IL1RAPL1: variants seen among roughly 807,000 people sequenced by gnomAD.
IL1RAPL1 encodes the protein interleukin 1 receptor accessory protein like 1, also known as interleukin-1 receptor accessory protein-like 1.
Under a neutral mutation model 48.4 loss-of-function variants are expected in IL1RAPL1, and 3 were observed. That is an observed-to-expected ratio of 0.06 (90% CI 0.03 to 0.16). The LOEUF (loss-of-function observed/expected upper bound fraction) is 0.16, where lower values mean the gene tolerates loss of function less well. Among genes scored for constraint, IL1RAPL1 ranks in the 10% least tolerant of loss-of-function variants. The pLI is 1.00. For missense variants in IL1RAPL1, 349 were observed against 530.6 expected (o/e 0.66, Z 3.36); for synonymous variants, 185 against 187.7 (o/e 0.99, Z 0.12).
chrX:29,041,288 G>T lies in IL1RAPL1; in HGVS notation c.83-241650G>T, dbSNP rs770319363. On this transcript the variant is annotated intron_variant, in intron 2 of 10. Coordinates refer to ENST00000378993, the MANE Select transcript of IL1RAPL1 (RefSeq NM_014271.4). The stretch of plus-strand genomic sequence containing the variant: ...CCCATGGGACGTATCTGCAGGCAGG[G>T]GGGTGGAATTTACTCTCAACTTTAT... 2.7e-5 allele frequency among the ~76,000 whole-genome samples: 3 copies of T among 111,409 alleles called. No homozygotes were observed. The East Asian group carries it at 8.5e-4, about 32-fold the overall frequency.
chrX:29,481,313 G>A (rs188924744), intron 5 of IL1RAPL1, among the ~76,000 whole-genome samples: 22 of 112,764 alleles, frequency 2.0e-4, no homozygotes, highest in Non-Finnish European at 9.4e-5. Flanking sequence ...CCTTCAAAAT[G>A]TATTCACATA....
intron 2 of IL1RAPL1, among the ~76,000 whole-genome samples, chrX:28,914,773 G>T (rs185278530): frequency 7.8e-4 from 88 of 112,630 alleles, no homozygotes; most frequent in Non-Finnish European, 1.4e-3. Flanking sequence ...ACATGTGTTA[G>T]CTCAGCAAGA....
At chrX:28,610,652 G>T (rs147958480) in intron 1 of IL1RAPL1, among the ~76,000 whole-genome samples, 1 of 111,655 alleles carries the variant, frequency 9.0e-6, no homozygotes, top group Non-Finnish European at 1.9e-5. Context: ...TCTGATGTTC[G>T]TAGAAAGTTC....
intron 2 of IL1RAPL1, among the ~76,000 whole-genome samples, chrX:28,886,735 G>T (rs1922640027): frequency 9.0e-6 from 1 of 110,803 alleles, no homozygotes. Context: ...ACTGAATTAA[G>T]TTTTAAATTA....
Position 29,941,732 on chromosome X carries a change from G to A in IL1RAPL1, c.1139G>A (p.Cys380Tyr), listed in dbSNP as rs372426735. 48 of 1,207,596 alleles carry A rather than the reference G, an allele frequency of 4.0e-5. No individual in the cohort carries two copies. Among genetic ancestry groups the A allele is most frequent in the Non-Finnish European group, 5.3e-5 (47 of 892,998 alleles). Reference sequence around the variant, plus strand: ...GTATGTTTGGTGACCATCTACAAGTGTTACAAGATAGAAATCATGCTCTTC... The same window carrying A: ...GTATGTTTGGTGACCATCTACAAGTATTACAAGATAGAAATCATGCTCTTC... ...LLVCLVTIYK[C>Y]YKIEIMLFYR... The change falls in exon 9 of 11, where the codon TGT (cysteine) becomes TAT (tyrosine). Residue 380 changes from cysteine to tyrosine, a missense_variant. Coordinates refer to ENST00000378993, the MANE Select transcript of IL1RAPL1 (RefSeq NM_014271.4).
At chrX:29,583,683 A>G (rs1314217834) in intron 5 of IL1RAPL1, among the ~76,000 whole-genome samples, 1 of 84,437 alleles carries the variant, frequency 1.2e-5, no homozygotes, top group African/African-American at 4.7e-5. Context: ...CCATCAAGCT[A>G]CCAATGACTT....
intron 8 of IL1RAPL1, among the ~76,000 whole-genome samples, chrX:29,929,657 GTACCGACT>G (rs1473335525): frequency 9.0e-6 from 1 of 111,635 alleles, no homozygotes; most frequent in Non-Finnish European, 1.9e-5. Context: ...GCAGTTCAAA[GTACCGACT>G]TACAATGGTT....
chrX:29,101,924 C>T lies in IL1RAPL1; in HGVS notation c.83-181014C>T, dbSNP rs756567558. Among the ~76,000 whole-genome samples, 8 of 111,157 alleles carry T rather than the reference C, an allele frequency of 7.2e-5. No individual in the cohort carries two copies. In the South Asian group the frequency reaches 1.1e-3, roughly 16 times the overall value. On this transcript the variant is annotated intron_variant, in intron 2 of 10. Transcript: ENST00000378993. ...TGCACTCCAGCCTGGGCAACAAGAA[C>T]GAAACTCTCTCGAAAAAATAAATAA...
At chrX:28,596,070 C>G (rs1933951394) in intron 1 of IL1RAPL1, among the ~76,000 whole-genome samples, 1 of 111,225 alleles carries the variant, frequency 9.0e-6, no homozygotes, top group African/African-American at 3.3e-5. Flanking sequence ...GCCTGCTGGT[C>G]TTGTATTTCC....
chrX:29,901,507 C>T (rs747891527), intron 6 of IL1RAPL1, among the ~76,000 whole-genome samples: 14 of 111,938 alleles, frequency 1.3e-4, no homozygotes, highest in Non-Finnish European at 2.1e-4. Flanking sequence ...GGGTATTTCA[C>T]TTTCACCACC....
At chrX:29,343,426 C>A (rs1427436437) in intron 3 of IL1RAPL1, among the ~76,000 whole-genome samples, 1 of 111,246 alleles carries the variant, frequency 9.0e-6, no homozygotes. Context: ...GCCCAGGTAT[C>A]CCCCTTTCCT....
chrX:29,617,427 A>T (rs1036292013), intron 5 of IL1RAPL1, among the ~76,000 whole-genome samples: 11 of 112,375 alleles, frequency 9.8e-5, no homozygotes, highest in African/African-American at 3.6e-4. Flanking sequence ...GCAGGGCTAG[A>T]TGCAGAGTCC....
chrX:28,656,428 AT>A (rs1280760621), intron 1 of IL1RAPL1, among the ~76,000 whole-genome samples: 1 of 110,934 alleles, frequency 9.0e-6, no homozygotes, highest in Non-Finnish European at 1.9e-5. Context: ...TTTTTCATAT[AT>A]TCTCAGTGCC....
At chrX:29,498,786 A>G (rs1935242173) in intron 5 of IL1RAPL1, among the ~76,000 whole-genome samples, 1 of 111,898 alleles carries the variant, frequency 8.9e-6, no homozygotes, top group Non-Finnish European at 1.9e-5. Flanking sequence ...TATGTCGTGT[A>G]TGTATAAAGC....
intron 6 of IL1RAPL1, among the ~76,000 whole-genome samples, chrX:29,806,222 C>T (rs1242187501): frequency 9.1e-6 from 1 of 109,753 alleles, no homozygotes; most frequent in Non-Finnish European, 1.9e-5. Flanking sequence ...CGTGCGTGCA[C>T]GCGTGCACAC....
At chrX:28,630,011 T>G (rs1472198970) in intron 1 of IL1RAPL1, among the ~76,000 whole-genome samples, 1 of 111,506 alleles carries the variant, frequency 9.0e-6, no homozygotes, top group African/African-American at 3.3e-5. Context: ...AAACTCAGTT[T>G]GTCAATTCCT....
At chrX:29,891,450 A>G (rs1932274911) in intron 6 of IL1RAPL1, among the ~76,000 whole-genome samples, 1 of 111,592 alleles carries the variant, frequency 9.0e-6, no homozygotes, top group Admixed American at 9.5e-5. Flanking sequence ...AAACTTGGAG[A>G]CATGGCTATT....
At chrX:29,274,381 TA>T (rs374838724) in intron 2 of IL1RAPL1, among the ~76,000 whole-genome samples, 2,908 of 112,221 alleles carry the variant, frequency 0.026, 111 homozygotes, top group African/African-American at 0.09. Context: ...TGGCATCACT[TA>T]AAAAATGGTT....
rs773661731 is a variant in IL1RAPL1 at position 29,931,104 on chromosome X, G to C, written c.1058-10547G>C. 6.2e-4 allele frequency among the ~76,000 whole-genome samples: 69 copies of C among 111,141 alleles called. 1 individual carries two copies. The Middle Eastern group carries it at 0.014, about 22-fold the overall frequency. ...CTCCCTTTGGATGAGGCAAGTAATG[G>C]TAGGGTCTCCTATTGGTAGCTCCCA... On this transcript the variant is annotated intron_variant, in intron 8 of 10. Coordinates refer to ENST00000378993, the MANE Select transcript of IL1RAPL1 (RefSeq NM_014271.4).
Sources: gnomAD v4.1 joint callset for allele counts (sites outside exome capture counted in the v4.1 genomes callset) on GRCh38, gnomAD v4.1.1 for gene constraint, MANE v1.5 for transcripts, NCBI Gene and HGNC (gene_info 2026-07-23, HGNC 2026-07-21) for gene names.